The following BTN2A1 variants were observed in gnomAD, a reference collection of about 807,000 sequenced individuals.
The protein encoded by BTN2A1 is butyrophilin subfamily 2 member A1, also known as butyrophilin, subfamily 2, member A1.
BTN2A1 carries 41 observed loss-of-function variants against 34.5 expected under a neutral mutation model. The ratio of observed to expected loss-of-function variants is 1.19; its 90% confidence interval spans 0.93 to 1.54. The LOEUF is 1.54. Ranked by LOEUF, BTN2A1 falls within the 40% of genes most tolerant of loss-of-function variation. The pLI is 0.00. For missense variants in BTN2A1, 642 were observed against 662.0 expected (o/e 0.97, Z 0.33); for synonymous variants, 267 against 258.6 (o/e 1.03, Z -0.31).
At chr6:26,463,931 G>C (rs1445436328) in intron 4 of BTN2A1, among the ~76,000 whole-genome samples, 1 of 151,942 alleles carries the variant, frequency 6.6e-6, no homozygotes, top group Admixed American at 6.6e-5. Context: ...CCTCCCGAAG[G>C]CTAGGACTAC....
In BTN2A1 at chr6:26,468,435, G is replaced by A. The variant is rs760244721; in HGVS notation, c.1470G>A (p.Leu490=). Residue 490 remains leucine (L), a synonymous_variant, in exon 8 of 8, where the codon TTG becomes TTA. Transcript: ENST00000312541. ...TGCCTGTGAGGCCCTTCTTCAGGTT[G>A]GGGTGTGAGGACAGCCCCATCTTCA... is the stretch of plus-strand genomic sequence containing the variant. The part of the protein sequence containing the change: ...FSVPVRPFFR[L]GCEDSPIFIC... The A allele has an allele frequency of 2.6e-4, 420 of 1,613,922 alleles. No homozygotes were observed. The highest frequency in any genetic ancestry group is 5.1e-4 in the East Asian group (23 of 44,880).
At chr6:26,463,197 A>C (rs1763212071) in intron 3 of BTN2A1, 47 bp from the exon 4 acceptor site, 2 of 1,525,634 alleles carry the variant, frequency 1.3e-6, no homozygotes, top group Admixed American at 2.2e-5. Flanking sequence ...CACAGAAGAG[A>C]TGCAAAAGGC....
In BTN2A1 at chr6:26,464,996, G is replaced by A. The variant is rs537898532; in HGVS notation, c.713-189G>A. Among the ~76,000 whole-genome samples the A allele has an allele frequency of 2.6e-5, 4 of 152,270 alleles. No individual in the cohort carries two copies. In the East Asian group the frequency reaches 5.8e-4, roughly 22 times the overall value. On this transcript the variant is annotated intron_variant, in intron 4 of 7. Coordinates refer to ENST00000312541, the MANE Select transcript of BTN2A1 (RefSeq NM_007049.5). ...CATGGTGACTGGTTTGCTACCTCTG[G>A]GCCTTGGCCCTGGAAGCCATTGAGG...
intron 3 of BTN2A1, among the ~76,000 whole-genome samples, chr6:26,460,503 T>C (rs1763139120): frequency 1.3e-5 from 2 of 152,112 alleles, no homozygotes; most frequent in Non-Finnish European, 2.9e-5. Context: ...TGCTGGGAGG[T>C]AATAGGGAAG....
chr6:26,461,190 C>G (rs563757711), intron 3 of BTN2A1, among the ~76,000 whole-genome samples: 5 of 152,320 alleles, frequency 3.3e-5, no homozygotes, highest in African/African-American at 1.2e-4. Flanking sequence ...CAGGGTTGAC[C>G]AGTTATGGTT....
At chr6:26,462,362 A>G (rs1475730473) in intron 3 of BTN2A1, among the ~76,000 whole-genome samples, 3 of 152,130 alleles carry the variant, frequency 2.0e-5, no homozygotes, top group Non-Finnish European at 4.4e-5. Context: ...ATGTTCTCCA[A>G]GTACTATAAG....
intron 7 of BTN2A1, among the ~76,000 whole-genome samples, chr6:26,475,686 T>C (rs1333465534): frequency 6.6e-6 from 1 of 152,034 alleles, no homozygotes; most frequent in African/African-American, 2.4e-5. Flanking sequence ...GTTGGGAGGA[T>C]CACTTGAGCC....
chr6:26,476,071 T>C (rs1352505525), intron 7 of BTN2A1: 24 of 1,432,532 alleles, frequency 1.7e-5, no homozygotes, highest in Non-Finnish European at 2.3e-5. Context: ...TGCTCATTTA[T>C]ATGCAACCCA....
At chr6:26,472,133 C>G (rs781134421), downstream of BTN2A1, among the ~76,000 whole-genome samples, 7 of 152,164 alleles carry the variant, frequency 4.6e-5, no homozygotes, top group Non-Finnish European at 1.0e-4. Context: ...TAGCATGTGG[C>G]TTGCATCTTC....
Position 26,468,429 on chromosome 6 carries a change from C to T in BTN2A1, c.1464C>T (p.Phe488=), listed in dbSNP as rs151013448. The part of the protein sequence containing the change: ...SAFSVPVRPF[F]RLGCEDSPIF... ...TTTCCGTGCCTGTGAGGCCCTTCTT[C>T]AGGTTGGGGTGTGAGGACAGCCCCA... The change falls in exon 8 of 8, where the codon TTC becomes TTT. Residue 488 remains phenylalanine, a synonymous_variant. Transcript: ENST00000312541. 6.2e-7 allele frequency: 1 copy of T among 1,614,054 alleles called. No individual in the cohort carries two copies. Among genetic ancestry groups the T allele is most frequent in the African/African-American group, 1.3e-5 (1 of 74,928 alleles).
At chr6:26,467,645 CATCTT>C in intron 7 of BTN2A1, 1 of 1,442,690 alleles carries the variant, frequency 6.9e-7, no homozygotes, top group Non-Finnish European at 9.4e-7. Flanking sequence ...AAAGGGAACA[CATCTT>C]AGAATGCTGA....
chr6:26,467,593 T>G, intron 7 of BTN2A1: 162 of 1,026,726 alleles, frequency 1.6e-4, no homozygotes, highest in Non-Finnish European at 2.0e-4. Flanking sequence ...ATTACAGGCG[T>G]GAGTCACCAC....
At chr6:26,459,272 T>A (rs1763093578) in intron 2 of BTN2A1, among the ~76,000 whole-genome samples, 1 of 152,134 alleles carries the variant, frequency 6.6e-6, no homozygotes, top group African/African-American at 2.4e-5. Context: ...TCCTCAGGGT[T>A]TCCTTCATGA....
chr6:26,458,549 G>A lies in BTN2A1; in HGVS notation c.-30-58G>A, dbSNP rs1470201685. On this transcript the variant is annotated intron_variant, in intron 1 of 7. Coordinates refer to ENST00000312541, the MANE Select transcript of BTN2A1 (RefSeq NM_007049.5). The stretch of plus-strand genomic sequence containing the variant: ...CCTACTTGAGTGACGGGAGAGGTTG[G>A]GCCCGACCAGCACTGAGGTGCCAAG... The A allele has an allele frequency of 1.4e-5, 20 of 1,429,410 alleles. No individual in the cohort carries two copies. In the Admixed American group the frequency reaches 3.4e-4, roughly 24 times the overall value. 88.5% of individuals were successfully genotyped at this position (1,429,410 alleles called of 1,614,324 possible).
At chr6:26,466,720 T>C (rs915755175) in intron 7 of BTN2A1, among the ~76,000 whole-genome samples, 3 of 152,208 alleles carry the variant, frequency 2.0e-5, no homozygotes, top group Non-Finnish European at 2.9e-5. Flanking sequence ...AATCCAAGCT[T>C]TACCAGATAC....
intron 4 of BTN2A1, among the ~76,000 whole-genome samples, chr6:26,464,777 G>A (rs1360278151): frequency 2.0e-5 from 3 of 152,202 alleles, no homozygotes; most frequent in African/African-American, 4.8e-5. Flanking sequence ...CGTGGAAAGC[G>A]TTGGAAGGTT....
chr6:26,472,499 T>TA (rs1763468938), downstream of BTN2A1, among the ~76,000 whole-genome samples: 1 of 152,188 alleles, frequency 6.6e-6, no homozygotes, highest in African/African-American at 2.4e-5. Flanking sequence ...GAGTTTTAAT[T>TA]ACTTTAAGGG....
chr6:26,476,493 C>T, exon 8 of BTN2A1: 1 of 449,554 alleles, frequency 2.2e-6, no homozygotes, highest in Non-Finnish European at 4.2e-6. Context: ...TAAAACATCT[C>T]AATAAATATA....
At chr6:26,467,690 T>A in intron 7 of BTN2A1, 1 of 1,571,492 alleles carries the variant, frequency 6.4e-7, no homozygotes. Context: ...TGATTTTACT[T>A]CATTTGCTAA....
Sources: allele counts gnomAD v4.1 joint callset (sites outside exome capture counted in the v4.1 genomes callset), GRCh38; gene constraint gnomAD v4.1.1; transcripts MANE v1.5; gene names NCBI Gene and HGNC (gene_info 2026-07-23, HGNC 2026-07-21).